The following GRIK2 variants were observed in gnomAD, a reference collection of about 807,000 sequenced individuals.
GRIK2 encodes glutamate ionotropic receptor kainate type subunit 2, also known as glutamate receptor ionotropic, kainate 2.
In GRIK2, 32 loss-of-function variants were observed where a neutral mutation model predicts 100.3. The ratio of observed to expected loss-of-function variants is 0.32; its 90% CI spans 0.24 to 0.43. The LOEUF (loss-of-function observed/expected upper bound fraction) is 0.43, where lower values mean the gene tolerates loss of function less well. GRIK2 is among the 20% of genes least tolerant of loss of function. GRIK2 has a pLI of 1.00. For missense variants in GRIK2, 843 were observed against 1,114.9 expected (o/e 0.76, Z 3.47); for synonymous variants, 417 against 389.4 (o/e 1.07, Z -0.83).
At chr6:101,584,448 A>T (rs1422304620) in intron 2 of GRIK2, among the ~76,000 whole-genome samples, 1 of 152,040 alleles carries the variant, frequency 6.6e-6, no homozygotes, top group Non-Finnish European at 1.5e-5. Context: ...AATAAGACTA[A>T]AAAAGTCTGC....
chr6:102,011,005 A>G (rs1795504029), intron 14 of GRIK2, among the ~76,000 whole-genome samples: 1 of 152,170 alleles, frequency 6.6e-6, no homozygotes, highest in Non-Finnish European at 1.5e-5. Flanking sequence ...ATTCATGAAT[A>G]GGATTTTGAG....
chr6:101,811,418 A>G (rs893120236), intron 9 of GRIK2, among the ~76,000 whole-genome samples: 2 of 152,072 alleles, frequency 1.3e-5, no homozygotes, highest in Non-Finnish European at 2.9e-5. Context: ...ACCAACATCC[A>G]GTGAATATTT....
In GRIK2 at chr6:101,603,695, C is replaced by T. The variant is rs1207534148; in HGVS notation, c.116-18254C>T. The stretch of plus-strand genomic sequence containing the variant: ...GAGCTCCATGAATTTATAATGAATT[C>T]TATTCTTTGTATTCTCTGTTTGAGT... On this transcript the variant is annotated intron_variant, in intron 2 of 16. Transcript: ENST00000369134. Among the ~76,000 whole-genome samples, 5 of 151,608 alleles carry T rather than the reference C, an allele frequency of 3.3e-5. No homozygotes were observed. In the South Asian group the frequency reaches 1.0e-3, roughly 32 times the overall value.
At chr6:101,862,029 A>T (rs866596361) in intron 11 of GRIK2, among the ~76,000 whole-genome samples, 1 of 152,192 alleles carries the variant, frequency 6.6e-6, no homozygotes, top group Non-Finnish European at 1.5e-5. Flanking sequence ...AAATGATTAC[A>T]ACGGAACAGA....
At chr6:102,036,133 TGA>T (rs1382854667) in intron 15 of GRIK2, among the ~76,000 whole-genome samples, 1 of 151,000 alleles carries the variant, frequency 6.6e-6, no homozygotes, top group Non-Finnish European at 1.5e-5. Flanking sequence ...AATAATCAAA[TGA>T]GATAATGAAT....
intron 2 of GRIK2, among the ~76,000 whole-genome samples, chr6:101,497,364 A>G (rs1011433119): frequency 3.9e-5 from 6 of 152,232 alleles, no homozygotes; most frequent in Non-Finnish European, 7.3e-5. Context: ...AGTACTGGGC[A>G]CATAGCATGT....
rs1193388922 is a variant in GRIK2 at position 101,691,816 on chromosome 6, A to G, written c.951+5463A>G. Among the ~76,000 whole-genome samples the G allele has an allele frequency of 5.9e-4, 89 of 152,082 alleles. 1 individual carries two copies. Among genetic ancestry groups the G allele is most frequent in the Admixed American group, 5.8e-3 (89 of 15,238 alleles). On this transcript the variant is annotated intron_variant, in intron 7 of 16. Coordinates refer to ENST00000369134, the MANE Select transcript of GRIK2 (RefSeq NM_021956.5). ...TGAGTATCTTAAAATAAAAATGAGC[A>G]TCTTGTATATACATCTTACAGCAGG...
chr6:101,419,011 T>C (rs1236314450), intron 2 of GRIK2, among the ~76,000 whole-genome samples: 3 of 152,190 alleles, frequency 2.0e-5, no homozygotes, highest in Non-Finnish European at 4.4e-5. Context: ...AGTAGAGGTG[T>C]ATCTTAACTC....
chr6:101,599,398 T>C (rs946673512), intron 2 of GRIK2, among the ~76,000 whole-genome samples: 2 of 151,914 alleles, frequency 1.3e-5, no homozygotes, highest in African/African-American at 4.8e-5. Context: ...TGTGTCTTCA[T>C]GGTAGAACTA....
chr6:101,715,834 G>T (rs1774026051), intron 7 of GRIK2, among the ~76,000 whole-genome samples: 3 of 151,806 alleles, frequency 2.0e-5, no homozygotes, highest in Admixed American at 2.0e-4. Context: ...TTATAAACCT[G>T]CTTCGTATTC....
chr6:101,490,183 G>A (rs1395273621), intron 2 of GRIK2, among the ~76,000 whole-genome samples: 1 of 144,004 alleles, frequency 6.9e-6, no homozygotes, highest in Admixed American at 6.9e-5. Flanking sequence ...AAATAATTAA[G>A]TATTTAGAAC....
intron 14 of GRIK2, among the ~76,000 whole-genome samples, chr6:101,930,838 T>C (rs2128472444): frequency 6.6e-6 from 1 of 152,240 alleles, no homozygotes; most frequent in Non-Finnish European, 1.5e-5. Context: ...TTATCTCTTG[T>C]TTTTCTCTCA....
chr6:101,436,986 T>C (rs1003812429), intron 2 of GRIK2, among the ~76,000 whole-genome samples: 7 of 151,190 alleles, frequency 4.6e-5, no homozygotes, highest in Non-Finnish European at 7.4e-5. Flanking sequence ...ATGTATTGCA[T>C]GAATTTTAAA....
At chr6:101,922,636 T>C (rs1789632180) in intron 12 of GRIK2, among the ~76,000 whole-genome samples, 1 of 152,160 alleles carries the variant, frequency 6.6e-6, no homozygotes, top group Admixed American at 6.6e-5. Context: ...CATACAATCC[T>C]TTAGAATACG....
intron 7 of GRIK2, among the ~76,000 whole-genome samples, chr6:101,783,687 G>T (rs1020561416): frequency 6.6e-6 from 1 of 152,196 alleles, no homozygotes; most frequent in Non-Finnish European, 1.5e-5. Flanking sequence ...AATGTTGATA[G>T]TGATGTGGAC....
chr6:101,479,268 T>A (rs772457553), intron 2 of GRIK2, among the ~76,000 whole-genome samples: 2 of 152,202 alleles, frequency 1.3e-5, no homozygotes, highest in African/African-American at 4.8e-5. Flanking sequence ...TTTATTAGCA[T>A]TGATCATGAG....
intron 14 of GRIK2, among the ~76,000 whole-genome samples, chr6:101,961,986 G>A (rs1792333060): frequency 6.6e-6 from 1 of 152,132 alleles, no homozygotes; most frequent in Non-Finnish European, 1.5e-5. Flanking sequence ...TGAGCTAGCA[G>A]CCTAGTGCTT....
rs557506023 is a variant in GRIK2 at position 101,657,324 on chromosome 6, C to T, written c.542-19299C>T. On this transcript the variant is annotated intron_variant, in intron 4 of 16. Transcript: ENST00000369134. Reference sequence around the variant, plus strand: ...CCTTTGCTCCTCACACTTCTCTGTCCTGCCGCCATGTAAGATGTGCCTCTT... The same window carrying T: ...CCTTTGCTCCTCACACTTCTCTGTCTTGCCGCCATGTAAGATGTGCCTCTT... Among the ~76,000 whole-genome samples, 7 of 152,232 alleles carry T rather than the reference C, an allele frequency of 4.6e-5. 1 individual carries two copies. The South Asian group carries it at 1.5e-3, about 32-fold the overall frequency.
intron 7 of GRIK2, among the ~76,000 whole-genome samples, chr6:101,711,880 T>C (rs1178343760): frequency 6.6e-6 from 1 of 151,776 alleles, no homozygotes; most frequent in Non-Finnish European, 1.5e-5. Context: ...TCCTCAAAAA[T>C]AGTAGACTGT....
Sources: gnomAD v4.1 joint callset for allele counts (sites outside exome capture counted in the v4.1 genomes callset) on GRCh38, gnomAD v4.1.1 for gene constraint, MANE v1.5 for transcripts, NCBI Gene and HGNC (gene_info 2026-07-23, HGNC 2026-07-21) for gene names.